The following ARL8B variants were observed in gnomAD, a reference collection of about 807,000 sequenced individuals.
ARL8B encodes the protein ARF like GTPase 8B, also known as ADP-ribosylation factor-like protein 8B.
In ARL8B, 9 loss-of-function variants were observed where a neutral mutation model predicts 30.6. The observed-to-expected ratio is 0.29, with a 90% confidence interval of 0.18 to 0.51. The LOEUF (loss-of-function observed/expected upper bound fraction) is 0.51. Ranked by LOEUF, ARL8B falls within the 20% of genes least tolerant of loss-of-function variation. The pLI, the probability that ARL8B is intolerant of heterozygous loss-of-function variation, is 0.97. For missense variants in ARL8B, 130 were observed against 227.2 expected (o/e 0.57, Z 2.75); for synonymous variants, 74 against 76.0 (o/e 0.97, Z 0.14).
intron 1 of ARL8B, among the ~76,000 whole-genome samples, chr3:5,150,771 A>G (rs985060550): frequency 6.6e-6 from 1 of 152,210 alleles, no homozygotes; most frequent in Non-Finnish European, 1.5e-5. Flanking sequence ...TGATAGAGTG[A>G]GACTCTGTCT....
intron 1 of ARL8B, among the ~76,000 whole-genome samples, chr3:5,140,137 T>C (rs1375976858): frequency 6.6e-6 from 1 of 152,026 alleles, no homozygotes; most frequent in African/African-American, 2.4e-5. Flanking sequence ...TGTTTAAAAA[T>C]AATGCTCTCC....
chr3:5,148,475 C>G lies in ARL8B; in HGVS notation c.124-22028C>G, dbSNP rs185217605. Among the ~76,000 whole-genome samples the G allele has an allele frequency of 4.1e-4, 62 of 152,264 alleles. 1 individual carries two copies. Among genetic ancestry groups the G allele is most frequent in the East Asian group, 3.7e-3 (19 of 5,184 alleles). Reference sequence around the variant, plus strand: ...TCTCCAGGTCTATCTTCCTCTAACCCTCCTGCTGCCCCTTGATTTTCCTGT... The same window carrying G: ...TCTCCAGGTCTATCTTCCTCTAACCGTCCTGCTGCCCCTTGATTTTCCTGT... On this transcript the variant is annotated intron_variant, in intron 1 of 6. Coordinates refer to ENST00000256496, the MANE Select transcript of ARL8B (RefSeq NM_018184.3).
At chr3:5,135,927 C>T (rs1178038318) in intron 1 of ARL8B, among the ~76,000 whole-genome samples, 1 of 151,272 alleles carries the variant, frequency 6.6e-6, no homozygotes, top group Non-Finnish European at 1.5e-5. Context: ...GCTGGGATTA[C>T]AGGCACATGC....
intron 1 of ARL8B, among the ~76,000 whole-genome samples, chr3:5,129,059 G>A (rs1253959849): frequency 1.3e-5 from 2 of 152,216 alleles, no homozygotes; most frequent in Non-Finnish European, 2.9e-5. Context: ...TGCACTTCCT[G>A]AGGATGTGTT....
intron 1 of ARL8B, among the ~76,000 whole-genome samples, chr3:5,123,947 C>T (rs1344600378): frequency 6.6e-6 from 1 of 152,150 alleles, no homozygotes; most frequent in Non-Finnish European, 1.5e-5. Flanking sequence ...GATCTCAGCT[C>T]ACTGCAACCT....
intron 2 of ARL8B, among the ~76,000 whole-genome samples, chr3:5,171,442 C>T (rs1297115597): frequency 6.7e-6 from 1 of 150,086 alleles, no homozygotes. Flanking sequence ...ACCTCCGACT[C>T]CCAGGTTCAA....
intron 1 of ARL8B, chr3:5,128,359 C>G (rs1365053257): frequency 2.4e-6 from 1 of 414,396 alleles, no homozygotes; most frequent in Non-Finnish European, 4.8e-6. Context: ...AGTATAGATT[C>G]TGAGTTGTGG....
chr3:5,164,215 TA>T (rs2054605209), intron 1 of ARL8B, among the ~76,000 whole-genome samples: 1 of 152,224 alleles, frequency 6.6e-6, no homozygotes, highest in Non-Finnish European at 1.5e-5. Flanking sequence ...GTTCAAGGGT[TA>T]ACTTTAGTTA....
intron 1 of ARL8B, among the ~76,000 whole-genome samples, chr3:5,155,993 C>T (rs2054530261): frequency 6.6e-6 from 1 of 152,012 alleles, no homozygotes; most frequent in Admixed American, 6.6e-5. Context: ...ACCTCCGCCT[C>T]CTAGGTTCAA....
intron 1 of ARL8B, among the ~76,000 whole-genome samples, chr3:5,140,550 C>T (rs1011599226): frequency 6.9e-6 from 1 of 145,092 alleles, no homozygotes; most frequent in Non-Finnish European, 1.5e-5. Flanking sequence ...GACTCATACA[C>T]CTTCTTGGTT....
At chr3:5,166,203 C>G (rs2054622424) in intron 1 of ARL8B, among the ~76,000 whole-genome samples, 1 of 151,952 alleles carries the variant, frequency 6.6e-6, no homozygotes. Context: ...CCACCCCCAG[C>G]TAATTTTTGT....
chr3:5,173,701 C>G (rs899961494), intron 4 of ARL8B, among the ~76,000 whole-genome samples: 8 of 150,602 alleles, frequency 5.3e-5, no homozygotes. Flanking sequence ...GGTGACAGAG[C>G]GAGACTCTGT....
At chr3:5,173,228 A>G (rs138455330) in intron 4 of ARL8B, among the ~76,000 whole-genome samples, 2 of 152,180 alleles carry the variant, frequency 1.3e-5, no homozygotes, top group Non-Finnish European at 2.9e-5. Flanking sequence ...GGTATATGAC[A>G]GTTGGAGGGG....
chr3:5,142,130 C>A (rs1157425182), intron 1 of ARL8B, among the ~76,000 whole-genome samples: 2 of 152,072 alleles, frequency 1.3e-5, no homozygotes, highest in African/African-American at 2.4e-5. Flanking sequence ...AAGCACAAGT[C>A]CCGGTCCAGT....
intron 1 of ARL8B, among the ~76,000 whole-genome samples, chr3:5,149,116 G>T (rs937172959): frequency 1.3e-5 from 2 of 152,182 alleles, no homozygotes; most frequent in African/African-American, 4.8e-5. Context: ...ATACATCTCA[G>T]TTGCACACAC....
Position 5,180,172 on chromosome 3 carries a change from A to G in ARL8B, c.*1459A>G, listed in dbSNP as rs1051518618. On this transcript the variant is annotated 3_prime_UTR_variant, in exon 7 of 7. Transcript: ENST00000256496. The stretch of plus-strand genomic sequence containing the variant: ...GTGTAGTCAACAGTAAGTTCTTTTA[A>G]TGAATATCAGTTTTAATTTATAGAC... 2 of 152,638 alleles carry G rather than the reference A, an allele frequency of 1.3e-5. No homozygotes were observed. The highest frequency in any genetic ancestry group is 1.3e-4 in the Admixed American group (2 of 15,270). 9.5% of individuals were successfully genotyped at this position (152,638 alleles called of 1,614,324 possible).
intron 1 of ARL8B, among the ~76,000 whole-genome samples, chr3:5,139,994 T>G (rs929434115): frequency 3.3e-5 from 5 of 151,112 alleles, no homozygotes; most frequent in African/African-American, 4.9e-5. Context: ...TTTGTTTTTT[T>G]TTTTTTTTTT....
At chr3:5,178,574 T>A (rs1187566033) in intron 6 of ARL8B, 90 bp from the exon 7 acceptor site, 6 of 1,277,286 alleles carry the variant, frequency 4.7e-6, no homozygotes, top group Non-Finnish European at 6.6e-6. Context: ...GCATAGTGTG[T>A]GCCTTGAATT....
chr3:5,178,396 C>T (rs996290933), intron 6 of ARL8B, among the ~76,000 whole-genome samples: 6 of 137,372 alleles, frequency 4.4e-5, no homozygotes, highest in South Asian at 2.3e-4. Flanking sequence ...TTGCATGCAA[C>T]ACCTGATTGA....
Sources: gnomAD v4.1 joint callset for allele counts (sites outside exome capture counted in the v4.1 genomes callset) on GRCh38, gnomAD v4.1.1 for gene constraint, MANE v1.5 for transcripts, NCBI Gene and HGNC (gene_info 2026-07-23, HGNC 2026-07-21) for gene names.